Variants in CDON observed in about 807,000 individuals in gnomAD.
The protein encoded by CDON is cell adhesion associated, oncogene regulated, also known as cell adhesion molecule-related/down-regulated by oncogenes.
A neutral mutation model predicts 120.9 loss-of-function variants in CDON; 73 were observed. That is an observed-to-expected ratio of 0.60 (90% CI 0.50 to 0.73). CDON has a LOEUF of 0.73. CDON is among the 30% of genes least tolerant of loss of function. The pLI is 0.00. For missense variants in CDON, 1,470 were observed against 1,587.3 expected, an observed-to-expected ratio of 0.93 and a Z score of 1.26; for synonymous variants, 566 against 573.5, an observed-to-expected ratio of 0.99 and a Z score of 0.19.
At chr11:126,032,554 C>T (rs551621809) in intron 1 of CDON, among the ~76,000 whole-genome samples, 6 of 152,052 alleles carry the variant, frequency 3.9e-5, no homozygotes, top group Non-Finnish European at 8.8e-5. Context: ...TGATCAGTCC[C>T]GTACCTTTGA....
intron 15 of CDON, 131 bp from the exon 16 acceptor site, chr11:125,984,224 C>A: frequency 1.4e-6 from 1 of 704,594 alleles, no homozygotes. Context: ...ATGACCTGAC[C>A]ACCAATGAGT....
Position 125,997,218 on chromosome 11 carries a change from C to A in CDON, c.2351G>T (p.Ser784Ile), listed in dbSNP as rs1385981974. 2 of 1,612,180 alleles carry A rather than the reference C, an allele frequency of 1.2e-6. No homozygotes were observed. Among genetic ancestry groups the A allele is most frequent in the Admixed American group, 3.3e-5 (2 of 59,998 alleles). Residue 784 changes from serine (S) to isoleucine (I), a missense_variant, in exon 12 of 20, where the codon AGT becomes ATT. Physicochemically the swap from Ser to Ile is moderately radical, Grantham distance 142. Coordinates refer to ENST00000531738, the MANE Select transcript of CDON (RefSeq NM_001378964.1). ...PPSKLSVEVR[S>I]LEPGSTYKFR... The stretch of plus-strand genomic sequence containing the variant: ...TTGAATATTACTACCTGGTTCTAAA[C>A]TACGAACTTCCACTGAAAGTTTGGA...
At chr11:125,993,175 A>G (rs1946678194) in intron 14 of CDON, among the ~76,000 whole-genome samples, 2 of 152,130 alleles carry the variant, frequency 1.3e-5, no homozygotes, top group Non-Finnish European at 2.9e-5. Flanking sequence ...GTCTTTTTCA[A>G]CCTGAATATC....
At chr11:125,988,845 GTTACA>G (rs1946543633) in intron 15 of CDON, among the ~76,000 whole-genome samples, 1 of 152,150 alleles carries the variant, frequency 6.6e-6, no homozygotes. Flanking sequence ...GTAGATAGAA[GTTACA>G]TATCTGTCAT....
At chr11:125,965,715 C>G (rs1184821763) in intron 18 of CDON, among the ~76,000 whole-genome samples, 1 of 152,232 alleles carries the variant, frequency 6.6e-6, no homozygotes, top group Non-Finnish European at 1.5e-5. Flanking sequence ...CAAATCATGT[C>G]AATCCCAGAA....
Position 125,960,953 on chromosome 11 carries a change from G to A in CDON, c.3784C>T (p.Arg1262Trp), listed in dbSNP as rs189599953. The A allele has an allele frequency of 2.9e-5, 47 of 1,614,098 alleles. No homozygotes were observed. The Admixed American group carries it at 3.8e-4, about 13-fold the overall frequency. ...DSPTEVLQQP[R>W]ET ...TTGTTTGCATGTCCTCAGGTTTCCC[G>A]GGGCTGCTGAAGGACCTCTGTCGGG... The change falls in exon 20 of 20, where the codon CGG (arginine) becomes TGG (tryptophan). Residue 1262 changes from arginine (R) to tryptophan (W), a missense_variant. Coordinates refer to ENST00000531738, the MANE Select transcript of CDON (RefSeq NM_001378964.1).
At chr11:126,014,845 T>C (rs1947414064) in intron 7 of CDON, 1 of 163,480 alleles carries the variant, frequency 6.1e-6, no homozygotes, top group South Asian at 1.8e-4. Flanking sequence ...GGTATTGTTA[T>C]AAAATGCACA....
chr11:126,062,346 G>T (rs1208894887), intron 1 of CDON, among the ~76,000 whole-genome samples: 1 of 151,930 alleles, frequency 6.6e-6, no homozygotes, highest in African/African-American at 2.4e-5. Context: ...ACCTCACCCC[G>T]CCTCCTCCCG....
At chr11:125,972,795 A>G (rs1351188899) in intron 18 of CDON, among the ~76,000 whole-genome samples, 1 of 152,142 alleles carries the variant, frequency 6.6e-6, no homozygotes, top group Non-Finnish European at 1.5e-5. Flanking sequence ...GTCCGTACGG[A>G]AAAGGCCCCA....
intron 19 of CDON, 191 bp downstream of exon 19, chr11:125,961,533 T>C: frequency 4.4e-6 from 3 of 677,700 alleles, no homozygotes; most frequent in African/African-American, 3.6e-5. Flanking sequence ...ACATGAGTAA[T>C]AACAGAATTT....
At chr11:125,987,344 G>A (rs553236560) in intron 15 of CDON, among the ~76,000 whole-genome samples, 1 of 152,224 alleles carries the variant, frequency 6.6e-6, no homozygotes, top group Non-Finnish European at 1.5e-5. Context: ...CGGTGGGAAG[G>A]GAAAACGGCC....
In CDON at chr11:126,053,795, C is replaced by T. The variant is rs569762374; in HGVS notation, c.-62+8784G>A. Among the ~76,000 whole-genome samples, 17 of 149,302 alleles carry T rather than the reference C, an allele frequency of 1.1e-4. 1 individual carries two copies. Among genetic ancestry groups the T allele is most frequent in the African/African-American group, 4.1e-4 (16 of 38,786 alleles). ...AACAGGAGAGGGACAGTGAGAATGA[C>T]GGAAACAGAGGTTACTGATAAACCC... On this transcript the variant is annotated intron_variant, in intron 1 of 19. Coordinates refer to ENST00000531738, the MANE Select transcript of CDON (RefSeq NM_001378964.1).
At chr11:126,000,711 CAAGT>C in intron 11 of CDON, among the ~76,000 whole-genome samples, 1 of 152,174 alleles carries the variant, frequency 6.6e-6, no homozygotes, top group East Asian at 1.9e-4. Flanking sequence ...TAAGAGCACT[CAAGT>C]AAAAGAGATT....
At chr11:125,979,577 A>G (rs1227558380) in intron 17 of CDON, among the ~76,000 whole-genome samples, 1 of 152,198 alleles carries the variant, frequency 6.6e-6, no homozygotes, top group Non-Finnish European at 1.5e-5. Flanking sequence ...ATTTAGAATC[A>G]CAGATAACTT....
At position 126,001,026 on chromosome 11, in the gene CDON, A is replaced by G. The variant is rs1400176263; in HGVS notation, c.2158+693T>C. ...AAAAACCATAAGATTAACTAGATAT[A>G]GCAAAAAATAAAAATAAAAAGTAAC... On this transcript the variant is annotated intron_variant, in intron 11 of 19. Transcript: ENST00000531738. 2.0e-5 allele frequency among the ~76,000 whole-genome samples: 3 copies of G among 152,234 alleles called. No homozygotes were observed. The East Asian group carries it at 5.8e-4, about 29-fold the overall frequency.
chr11:125,961,076 TC>T lies in CDON; in HGVS notation c.3660del (p.Ile1221SerfsTer4). 2 of 1,614,122 alleles carry T rather than the reference TC, an allele frequency of 1.2e-6. No individual in the cohort carries two copies. Among genetic ancestry groups the T allele is most frequent in the South Asian group, 1.1e-5 (1 of 91,074 alleles). On this transcript the variant is annotated frameshift_variant, in exon 20 of 20. Coordinates refer to ENST00000531738, the MANE Select transcript of CDON (RefSeq NM_001378964.1). LOFTEE classifies it high-confidence loss of function. ...RGDSCAHSET[E>X]INIVSWNALI... ...AGAGCATTCCAACTTACAATGTTGA[TC>T]TCTGTTTCTGAATGGGCACAGCTGT...
intron 4 of CDON, 107 bp from the exon 5 acceptor site, chr11:126,018,580 AT>A: frequency 1.0e-6 from 1 of 969,976 alleles, no homozygotes; most frequent in South Asian, 1.4e-5. Context: ...ATCTTATTTT[AT>A]TTTAGAGATG....
At chr11:125,962,509 G>C (rs777450812) in intron 18 of CDON, among the ~76,000 whole-genome samples, 6 of 152,238 alleles carry the variant, frequency 3.9e-5, no homozygotes, top group Non-Finnish European at 7.3e-5. Flanking sequence ...ATAAGGATTA[G>C]ACATTCAAAA....
intron 5 of CDON, among the ~76,000 whole-genome samples, 184 bp downstream of exon 5, chr11:126,018,146 T>C (rs1005039485): frequency 1.3e-5 from 2 of 152,168 alleles, no homozygotes; most frequent in Non-Finnish European, 1.5e-5. Flanking sequence ...GTGATCCACC[T>C]GCCTCAGCCT....
Sources: gnomAD v4.1 joint callset for allele counts (sites outside exome capture counted in the v4.1 genomes callset) on GRCh38, gnomAD v4.1.1 for gene constraint, MANE v1.5 for transcripts, NCBI Gene and HGNC (gene_info 2026-07-23, HGNC 2026-07-21) for gene names.